C13orf42: variants seen among roughly 807,000 people sequenced by gnomAD.
C13orf42 encodes the protein uncharacterized protein C13orf42.
chr13:51,111,457 A>G (rs4942949), upstream of C13orf42, among the ~76,000 whole-genome samples: 148,422 of 152,326 alleles, frequency 0.97, 72,341 homozygotes, highest in East Asian at 1. Flanking sequence ...CGCACTGTGA[A>G]CTTAAAAATG....
chr13:51,148,203 A>T (rs1006128022), intron 1 of C13orf42, among the ~76,000 whole-genome samples: 1 of 152,204 alleles, frequency 6.6e-6, no homozygotes, highest in African/African-American at 2.4e-5. Flanking sequence ...CCAGCCAGGG[A>T]GAGGTCTCCC....
At chr13:51,162,996 T>C (rs1953877979) in intron 1 of C13orf42, among the ~76,000 whole-genome samples, 1 of 152,210 alleles carries the variant, frequency 6.6e-6, no homozygotes, top group Non-Finnish European at 1.5e-5. Context: ...GGAAAACTGA[T>C]ATTAAGCAAG....
At chr13:51,099,209 C>G (rs1201303896) in intron 1 of C13orf42, among the ~76,000 whole-genome samples, 1 of 151,834 alleles carries the variant, frequency 6.6e-6, no homozygotes, top group Non-Finnish European at 1.5e-5. Context: ...TATTACAGCA[C>G]CCAAGGAAAT....
In C13orf42 at chr13:51,104,225, A is replaced by C. The variant is rs1953324114; in HGVS notation, c.414+6571T>G. ...AAAAATACATTAATTAGGGCTTAAT[A>C]ATCCTTTGGATGAATTATTATACAC... is the stretch of plus-strand genomic sequence containing the variant. On this transcript the variant is annotated intron_variant, in intron 1 of 3. Coordinates refer to ENST00000563710, the MANE Select transcript of C13orf42 (RefSeq NM_001351589.3). 2.0e-5 allele frequency among the ~76,000 whole-genome samples: 3 copies of C among 152,240 alleles called. No homozygotes were observed. The South Asian group carries it at 6.2e-4, about 31-fold the overall frequency.
chr13:51,089,884 C>G (rs1953164984), intron 1 of C13orf42, among the ~76,000 whole-genome samples: 1 of 151,734 alleles, frequency 6.6e-6, no homozygotes, highest in African/African-American at 2.4e-5. Context: ...TTTCCAAAAG[C>G]TTCTGCCAGT....
rs550541152 is a variant in C13orf42 at position 51,082,468 on chromosome 13, C to T, written c.*1683G>A. ...TTTAAAAACAAAATGTACACAGTAT[C>T]TTCACCACATAATTTCAGGGTGGAT... On this transcript the variant is annotated 3_prime_UTR_variant, in exon 4 of 4. Coordinates refer to ENST00000563710, the MANE Select transcript of C13orf42 (RefSeq NM_001351589.3). 3.9e-5 allele frequency: 6 copies of T among 152,266 alleles called. No homozygotes were observed. Among genetic ancestry groups the T allele is most frequent in the African/African-American group, 1.4e-4 (6 of 41,560 alleles). The allele number at this position is 152,266 out of a possible 1,614,324, so 9.4% of individuals were successfully genotyped here.
intron 1 of C13orf42, among the ~76,000 whole-genome samples, chr13:51,170,037 A>G (rs989584573): frequency 1.3e-5 from 2 of 152,172 alleles, no homozygotes; most frequent in Non-Finnish European, 2.9e-5. Flanking sequence ...CCTTGCCTTA[A>G]CTGATGACAC....
At chr13:51,152,791 G>GCCCT (rs898359949) in intron 1 of C13orf42, among the ~76,000 whole-genome samples, 51 of 152,290 alleles carry the variant, frequency 3.3e-4, no homozygotes, top group African/African-American at 1.2e-3. Flanking sequence ...GCAAACCTAA[G>GCCCT]CCCTAGTCCT....
upstream of C13orf42, among the ~76,000 whole-genome samples, chr13:51,115,040 TAG>T (rs555960677): frequency 6.6e-6 from 1 of 152,106 alleles, no homozygotes; most frequent in Admixed American, 6.6e-5. Flanking sequence ...AATGAGATAA[TAG>T]AGAGCACTTA....
intron 1 of C13orf42, among the ~76,000 whole-genome samples, chr13:51,157,788 G>A (rs1321259314): frequency 6.6e-6 from 1 of 152,178 alleles, no homozygotes; most frequent in Non-Finnish European, 1.5e-5. Context: ...CGTGTATTGT[G>A]AAGTAATAAA....
intron 1 of C13orf42, among the ~76,000 whole-genome samples, chr13:51,153,187 A>C (rs1489886295): frequency 6.6e-6 from 1 of 152,174 alleles, no homozygotes; most frequent in African/African-American, 2.4e-5. Flanking sequence ...CCTCCCTAGC[A>C]AGGGTTCTTC....
intron 1 of C13orf42, among the ~76,000 whole-genome samples, chr13:51,100,409 A>C (rs2137989878): frequency 6.6e-6 from 1 of 152,312 alleles, no homozygotes; most frequent in Non-Finnish European, 1.5e-5. Flanking sequence ...TAATATCCTC[A>C]AAAATCCCTG....
At chr13:51,170,662 T>C (rs1223521190) in intron 1 of C13orf42, among the ~76,000 whole-genome samples, 1 of 1,028 alleles carries the variant, frequency 9.7e-4, no homozygotes, top group Non-Finnish European at 2.3e-3. Context: ...GAAGGCAGCC[T>C]TCCCCTTGGT....
intron 1 of C13orf42, among the ~76,000 whole-genome samples, chr13:51,095,644 G>A (rs1953226587): frequency 6.6e-6 from 1 of 151,882 alleles, no homozygotes; most frequent in South Asian, 2.1e-4. Context: ...CTACTGATGA[G>A]CCCAGCAAAG....
chr13:51,147,732 A>AAAAAACAAACAAAC (rs1312489745), intron 1 of C13orf42, among the ~76,000 whole-genome samples: 3 of 151,932 alleles, frequency 2.0e-5, no homozygotes, highest in Admixed American at 2.0e-4. Flanking sequence ...GTGTCTCAAA[A>AAAAAACAAACAAAC]AAAAACAACG....
At chr13:51,108,300 A>T (rs1196816615) in intron 1 of C13orf42, among the ~76,000 whole-genome samples, 1 of 152,206 alleles carries the variant, frequency 6.6e-6, no homozygotes, top group African/African-American at 2.4e-5. Context: ...GAGGAGATAC[A>T]GTTCAACTCA....
chr13:51,105,745 T>C (rs1953346588), intron 1 of C13orf42, among the ~76,000 whole-genome samples: 1 of 152,226 alleles, frequency 6.6e-6, no homozygotes, highest in Non-Finnish European at 1.5e-5. Context: ...CTCCTGATTT[T>C]CCAATTTCTG....
chr13:51,168,994 A>G lies in C13orf42; in HGVS notation n.136+3259T>C, dbSNP rs1022789642. On this transcript the variant is annotated intron_variant and non_coding_transcript_variant, in intron 1 of 4. Transcript: ENST00000433280. ...GTACAGCCTGTGGAACTGTGAGCCA[A>G]TTAAACCTCTTTGCTTTATAAATAA... 2.0e-5 allele frequency among the ~76,000 whole-genome samples: 3 copies of G among 152,236 alleles called. No individual in the cohort carries two copies. The South Asian group carries it at 6.2e-4, about 31-fold the overall frequency.
At chr13:51,104,603 AAAGTT>A (rs1175126151) in intron 1 of C13orf42, among the ~76,000 whole-genome samples, 1 of 152,210 alleles carries the variant, frequency 6.6e-6, no homozygotes, top group East Asian at 1.9e-4. Flanking sequence ...GAAAATGGTA[AAAGTT>A]ATGTTACATT....
Sources: gnomAD v4.1 joint callset for allele counts (sites outside exome capture counted in the v4.1 genomes callset) on GRCh38, gnomAD v4.1.1 for gene constraint, MANE v1.5 for transcripts, NCBI Gene and HGNC (gene_info 2026-07-23, HGNC 2026-07-21) for gene names.